Variants in ROR1 observed in about 807,000 individuals in gnomAD.
ROR1 encodes the protein ROR family WNT receptor 1.
Under a neutral mutation model 78.8 loss-of-function variants are expected in ROR1, and 19 were observed. The observed-to-expected ratio is 0.24, with a 90% CI of 0.17 to 0.35. The LOEUF is 0.35. Ranked by LOEUF, ROR1 falls within the 10% of genes least tolerant of loss-of-function variation. The pLI is 1.00. For synonymous variants in ROR1, 386 were observed against 433.6 expected, an observed-to-expected ratio of 0.89 and a Z score of 1.36; for missense variants, 917 against 1,177.8, an observed-to-expected ratio of 0.78 and a Z score of 3.24.
At chr1:63,929,756 G>T (rs1169735730) in intron 1 of ROR1, among the ~76,000 whole-genome samples, 1 of 152,124 alleles carries the variant, frequency 6.6e-6, no homozygotes, top group African/African-American at 2.4e-5. Context: ...CTTTTGTTCA[G>T]TATGCTTTTT....
chr1:64,134,006 T>C (rs1649017481), intron 4 of ROR1, among the ~76,000 whole-genome samples: 1 of 152,170 alleles, frequency 6.6e-6, no homozygotes, highest in Non-Finnish European at 1.5e-5. Flanking sequence ...GCACCAAAGC[T>C]TCTCCACAGC....
chr1:64,121,588 A>G (rs1027892160), intron 4 of ROR1, among the ~76,000 whole-genome samples: 2 of 150,102 alleles, frequency 1.3e-5, no homozygotes, highest in Non-Finnish European at 3.0e-5. Flanking sequence ...CTGGCGGGGA[A>G]GAGTATTTTA....
At chr1:63,941,847 A>T (rs987342138) in intron 1 of ROR1, among the ~76,000 whole-genome samples, 4 of 152,200 alleles carry the variant, frequency 2.6e-5, no homozygotes, top group African/African-American at 9.6e-5. Flanking sequence ...TAATAATCAT[A>T]TCTGACACTT....
intron 1 of ROR1, among the ~76,000 whole-genome samples, chr1:63,978,984 C>T (rs1646185989): frequency 6.6e-6 from 1 of 152,090 alleles, no homozygotes. Context: ...GTCTGAAGGC[C>T]ATCTGCTGGA....
At chr1:63,824,811 A>G (rs572372455) in intron 1 of ROR1, among the ~76,000 whole-genome samples, 2 of 152,304 alleles carry the variant, frequency 1.3e-5, no homozygotes, top group East Asian at 3.9e-4. Context: ...TCCTTTGTCA[A>G]TATTTTGATG....
intron 1 of ROR1, among the ~76,000 whole-genome samples, chr1:64,005,202 C>G (rs1646418305): frequency 6.6e-6 from 1 of 152,210 alleles, no homozygotes. Context: ...GTCTGCCTTA[C>G]TAGACAAAGG....
At chr1:64,115,291 C>T (rs1648276232) in intron 4 of ROR1, among the ~76,000 whole-genome samples, 1 of 152,170 alleles carries the variant, frequency 6.6e-6, no homozygotes, top group Non-Finnish European at 1.5e-5. Flanking sequence ...TCATAGCTCA[C>T]TGCAGCCTTG....
chr1:63,818,340 T>G (rs962495801), intron 1 of ROR1, among the ~76,000 whole-genome samples: 1 of 152,222 alleles, frequency 6.6e-6, no homozygotes, highest in Non-Finnish European at 1.5e-5. Context: ...GGCTCTTTGG[T>G]AGAATGAGCA....
chr1:63,875,332 T>C (rs1645278371), intron 1 of ROR1, among the ~76,000 whole-genome samples: 1 of 152,180 alleles, frequency 6.6e-6, no homozygotes, highest in Non-Finnish European at 1.5e-5. Flanking sequence ...CTATCTGAAG[T>C]GCAGTTAGTT....
intron 1 of ROR1, among the ~76,000 whole-genome samples, chr1:63,782,705 A>G (rs937107795): frequency 2.0e-5 from 3 of 152,146 alleles, no homozygotes; most frequent in African/African-American, 7.2e-5. Context: ...CACTTCATGC[A>G]GACCTGGGGC....
intron 2 of ROR1, among the ~76,000 whole-genome samples, chr1:64,023,094 G>A (rs1646578451): frequency 6.6e-6 from 1 of 152,186 alleles, no homozygotes; most frequent in African/African-American, 2.4e-5. Flanking sequence ...ATTCCCAATA[G>A]GAATCAAATA....
intron 8 of ROR1, among the ~76,000 whole-genome samples, chr1:64,161,240 A>T (rs1302862911): frequency 2.0e-5 from 3 of 152,212 alleles, no homozygotes; most frequent in African/African-American, 7.2e-5. Context: ...AGACTAAGTA[A>T]CTTCCCCAAG....
chr1:63,782,576 C>A (rs1644659100), intron 1 of ROR1, among the ~76,000 whole-genome samples: 1 of 140,028 alleles, frequency 7.1e-6, no homozygotes, highest in African/African-American at 2.9e-5. Context: ...TTTGTTACAG[C>A]TGCTAATGTT....
intron 1 of ROR1, among the ~76,000 whole-genome samples, chr1:63,900,113 T>A (rs1448185843): frequency 6.6e-6 from 1 of 152,158 alleles, no homozygotes; most frequent in Non-Finnish European, 1.5e-5. Context: ...CTGACTCTGA[T>A]TAGTTTGAAG....
chr1:63,899,274 T>C (rs1645466080), intron 1 of ROR1, among the ~76,000 whole-genome samples: 1 of 151,118 alleles, frequency 6.6e-6, no homozygotes, highest in Admixed American at 6.5e-5. Context: ...TGTAGCAGCA[T>C]ACACAGCCAT....
chr1:64,117,538 C>G (rs1195237612), intron 4 of ROR1, among the ~76,000 whole-genome samples: 1 of 152,162 alleles, frequency 6.6e-6, no homozygotes, highest in African/African-American at 2.4e-5. Context: ...GCCTTTTTCT[C>G]ACATCACCTG....
chr1:63,871,286 A>G (rs1645249912), intron 1 of ROR1, among the ~76,000 whole-genome samples: 1 of 152,172 alleles, frequency 6.6e-6, no homozygotes, highest in Admixed American at 6.6e-5. Flanking sequence ...GAAACATGGT[A>G]CCCACAGGGG....
chr1:63,914,347 A>G (rs1645593406), intron 1 of ROR1, among the ~76,000 whole-genome samples: 2 of 152,184 alleles, frequency 1.3e-5, no homozygotes, highest in Non-Finnish European at 2.9e-5. Flanking sequence ...AAGTGGAGGG[A>G]CAGGAACCCT....
chr1:63,804,605 T>A (rs927896560), intron 1 of ROR1, among the ~76,000 whole-genome samples: 5 of 152,208 alleles, frequency 3.3e-5, no homozygotes, highest in African/African-American at 4.8e-5. Context: ...CTTTTAATTT[T>A]ATTTTATTTT....
Sources: allele counts gnomAD v4.1 joint callset (sites outside exome capture counted in the v4.1 genomes callset), GRCh38; gene constraint gnomAD v4.1.1; transcripts MANE v1.5; gene names NCBI Gene and HGNC (gene_info 2026-07-23, HGNC 2026-07-21).